The following ZNF146 variants were observed in gnomAD, a reference collection of about 807,000 sequenced individuals.
The protein encoded by ZNF146 is zinc finger protein 146.
ZNF146 carries 9 observed loss-of-function variants against 22.2 expected under a neutral mutation model. The observed-to-expected ratio is 0.41, with a 90% CI of 0.24 to 0.71. The LOEUF is 0.71. Among genes scored for constraint, ZNF146 ranks in the 30% least tolerant of loss-of-function variants. The pLI, the probability that ZNF146 is intolerant of heterozygous loss-of-function variation, is 0.34. For synonymous variants in ZNF146, 108 were observed against 119.2 expected (o/e 0.91, Z 0.61); for missense variants, 194 against 344.8 (o/e 0.56, Z 3.46).
chr19:36,233,805 C>T (rs1226754587), intron 3 of ZNF146, among the ~76,000 whole-genome samples: 1 of 152,210 alleles, frequency 6.6e-6, no homozygotes, highest in African/African-American at 2.4e-5. Context: ...CAGCTTTACA[C>T]GGAGACATTC....
rs761118696 is a variant in ZNF146 at position 36,237,298 on chromosome 19, C to T, written c.858C>T (p.His286=). The T allele has an allele frequency of 1.2e-6, 2 of 1,606,006 alleles. No homozygotes were observed. The highest frequency in any genetic ancestry group is 4.5e-5 in the East Asian group (2 of 44,752). The change falls in exon 4 of 4, where the codon CAC becomes CAT. Residue 286 remains histidine, a synonymous_variant. Coordinates refer to ENST00000443387, the MANE Select transcript of ZNF146 (RefSeq NM_007145.3). ...GCCAGAAGTCACACCACATTAGACA[C>T]CAGAAAATTCATACTCACTAAAAAC... The part of the protein sequence containing the change: ...AFSQKSHHIR[H]QKIHTH
chr19:36,225,326 T>C (rs1422226679), intron 2 of ZNF146, among the ~76,000 whole-genome samples: 3 of 152,210 alleles, frequency 2.0e-5, no homozygotes, highest in Non-Finnish European at 4.4e-5. Context: ...GGGACAAAAA[T>C]AAGATGTCTA....
At position 36,237,453 on chromosome 19, in the gene ZNF146, A is replaced by G; in HGVS notation, c.*134A>G. The G allele has an allele frequency of 4.5e-6, 5 of 1,121,340 alleles. No homozygotes were observed. The highest frequency in any genetic ancestry group is 4.9e-6 in the Non-Finnish European group (4 of 812,112). 69.5% of individuals were successfully genotyped at this position (1,121,340 alleles called of 1,614,324 possible). A position where few individuals can be genotyped will look rare whatever the true frequency, so the allele number is the denominator to read the frequency against. On this transcript the variant is annotated 3_prime_UTR_variant, in exon 4 of 4. Coordinates refer to ENST00000443387, the MANE Select transcript of ZNF146 (RefSeq NM_007145.3). ...TTAACAAGTACTAAAAACTTAAGGG[A>G]CACCAGAAAATTTGTACTGAAGAGA...
At chr19:36,216,061 G>A (rs1346480433) in intron 1 of ZNF146, among the ~76,000 whole-genome samples, 3 of 152,112 alleles carry the variant, frequency 2.0e-5, no homozygotes, top group East Asian at 3.8e-4. Context: ...TGTCGTCATT[G>A]ACATAGTTTT....
intron 3 of ZNF146, among the ~76,000 whole-genome samples, chr19:36,229,804 C>G (rs775440984): frequency 1.3e-5 from 2 of 152,228 alleles, no homozygotes; most frequent in Non-Finnish European, 1.5e-5. Context: ...ACTGCAACCT[C>G]CGCCTCCTGG....
At position 36,236,645 on chromosome 19, in the gene ZNF146, G is replaced by A. The variant is rs1384513716; in HGVS notation, c.205G>A (p.Glu69Lys). 3.7e-6 allele frequency: 6 copies of A among 1,614,146 alleles called. No individual in the cohort carries two copies. The highest frequency in any genetic ancestry group is 1.1e-5 in the South Asian group (1 of 91,074). The part of the protein sequence containing the change: ...VIKHQNTHTG[E>K]KLFECNECGK... Reference sequence around the variant, plus strand: ...TAAACATCAGAACACCCATACTGGCGAGAAGCTTTTCGAATGTAATGAATG... The same window carrying A: ...TAAACATCAGAACACCCATACTGGCAAGAAGCTTTTCGAATGTAATGAATG... Residue 69 changes from glutamate to lysine, a missense_variant, in exon 4 of 4, where the codon GAG becomes AAG. Physicochemically the swap from Glu to Lys is moderately conservative, Grantham distance 56 (BLOSUM62 1). Transcript: ENST00000443387.
At chr19:36,227,115 G>T (rs1269061647) in intron 2 of ZNF146, among the ~76,000 whole-genome samples, 5 of 151,358 alleles carry the variant, frequency 3.3e-5, no homozygotes, top group Non-Finnish European at 7.4e-5. Context: ...TTGGCTGGGC[G>T]CAGTGGCTCA....
chr19:36,222,927 C>A lies in ZNF146; in HGVS notation c.-855+4732C>A, dbSNP rs183473329. 1.4e-3 allele frequency among the ~76,000 whole-genome samples: 205 copies of A among 151,090 alleles called. 1 individual carries two copies. Among genetic ancestry groups the A allele is most frequent in the African/African-American group, 4.5e-3 (187 of 41,244 alleles). Reference sequence around the variant, plus strand: ...TTTACATAGCCGTGCTTAGAATGAGCCCCCTGTGGTTGGTGAGCACAGAGA... The same window carrying A: ...TTTACATAGCCGTGCTTAGAATGAGACCCCTGTGGTTGGTGAGCACAGAGA... On this transcript the variant is annotated intron_variant, in intron 2 of 3. Coordinates refer to ENST00000443387, the MANE Select transcript of ZNF146 (RefSeq NM_007145.3).
chr19:36,225,613 G>C (rs1229656490), intron 2 of ZNF146, among the ~76,000 whole-genome samples: 1 of 150,864 alleles, frequency 6.6e-6, no homozygotes, highest in East Asian at 1.9e-4. Flanking sequence ...ACCATACCTG[G>C]CTAGTTTTTT....
In ZNF146 at chr19:36,236,953, C is replaced by T. The variant is rs772568582; in HGVS notation, c.513C>T (p.Leu171=). The change falls in exon 4 of 4, where the codon CTC becomes CTT. Residue 171 remains leucine, a synonymous_variant. Coordinates refer to ENST00000443387, the MANE Select transcript of ZNF146 (RefSeq NM_007145.3). The part of the protein sequence containing the change: ...CGTAFGQKKY[L]IKHQNIHTGE... ...CAGCCTTTGGCCAGAAGAAGTACCT[C>T]ATAAAACATCAGAACATTCACACTG... The T allele has an allele frequency of 1.2e-6, 2 of 1,614,156 alleles. No homozygotes were observed. Among genetic ancestry groups the T allele is most frequent in the East Asian group, 2.2e-5 (1 of 44,874 alleles).
intron 2 of ZNF146, among the ~76,000 whole-genome samples, chr19:36,224,142 A>G (rs978753381): frequency 6.6e-6 from 1 of 152,134 alleles, no homozygotes; most frequent in African/African-American, 2.4e-5. Flanking sequence ...AGCACTTTGC[A>G]AGGCCAAGGT....
chr19:36,221,712 C>A (rs1010436943), intron 2 of ZNF146, among the ~76,000 whole-genome samples: 10 of 152,020 alleles, frequency 6.6e-5, no homozygotes, highest in African/African-American at 2.2e-4. Context: ...TCACATTCTT[C>A]TTTGTCTTAT....
intron 3 of ZNF146, among the ~76,000 whole-genome samples, chr19:36,233,087 A>G (rs539501648): frequency 6.6e-6 from 1 of 152,204 alleles, no homozygotes; most frequent in Non-Finnish European, 1.5e-5. Context: ...TTTTCTACCA[A>G]GAAAAGCAGC....
Position 36,235,741 on chromosome 19 carries a change from C to T in ZNF146, c.-700C>T, listed in dbSNP as rs1441574207. ...GGACTTGGGAGGCATGTTGATCCAT[C>T]TCCAGGAAAGACTGAGAAAAAGAGC... On this transcript the variant is annotated 5_prime_UTR_variant, in exon 4 of 4. Coordinates refer to ENST00000443387, the MANE Select transcript of ZNF146 (RefSeq NM_007145.3). 6.6e-6 allele frequency: 1 copy of T among 152,214 alleles called. No individual in the cohort carries two copies. The highest frequency in any genetic ancestry group is 1.5e-5 in the Non-Finnish European group (1 of 68,066). The allele number at this position is 152,214 out of a possible 1,614,324, so 9.4% of individuals were successfully genotyped here.
chr19:36,226,962 A>G (rs1031010244), intron 2 of ZNF146, among the ~76,000 whole-genome samples: 6 of 152,146 alleles, frequency 3.9e-5, no homozygotes, highest in African/African-American at 1.4e-4. Context: ...GCATGCCTAT[A>G]GTCCCAGCTG....
intron 2 of ZNF146, among the ~76,000 whole-genome samples, chr19:36,226,917 C>T (rs1977091925): frequency 6.6e-6 from 1 of 151,914 alleles, no homozygotes; most frequent in Non-Finnish European, 1.5e-5. Flanking sequence ...AACTCCGTCT[C>T]TACTGAAAAT....
chr19:36,228,526 T>A (rs1209867810), intron 2 of ZNF146: 2 of 152,246 alleles, frequency 1.3e-5, no homozygotes, highest in Admixed American at 6.5e-5. Flanking sequence ...TTAATGAGCA[T>A]GGCTTTGAAG....
Position 36,238,459 on chromosome 19 carries a change from T to C in ZNF146, c.*1140T>C, listed in dbSNP as rs1427381125. ...GGGACTTCAGCTTTTTATATAAACA[T>C]CCACTTCTCTTTCAAAAGACTTCAA... On this transcript the variant is annotated 3_prime_UTR_variant, in exon 4 of 4. Transcript: ENST00000443387. The C allele has an allele frequency of 6.0e-6, 1 of 167,068 alleles. No homozygotes were observed. Among genetic ancestry groups the C allele is most frequent in the African/African-American group, 2.4e-5 (1 of 41,438 alleles). 10.3% of individuals were successfully genotyped at this position (167,068 alleles called of 1,614,324 possible).
intron 1 of ZNF146, among the ~76,000 whole-genome samples, chr19:36,216,477 C>T (rs147403364): frequency 0.012 from 1,868 of 151,682 alleles, 40 homozygotes; most frequent in African/African-American, 0.042. Flanking sequence ...CCTGTCTCTA[C>T]TAAAAAAAAA....
Sources: gnomAD v4.1 joint callset for allele counts (sites outside exome capture counted in the v4.1 genomes callset) on GRCh38, gnomAD v4.1.1 for gene constraint, MANE v1.5 for transcripts, NCBI Gene and HGNC (gene_info 2026-07-23, HGNC 2026-07-21) for gene names.